The following SLIT3 variants were observed in gnomAD, a reference collection of about 807,000 sequenced individuals.
SLIT3 encodes the protein slit guidance ligand 3.
SLIT3 carries 68 observed loss-of-function variants against 184.0 expected under a neutral mutation model. That is an observed-to-expected ratio of 0.37 (90% CI 0.30 to 0.45). The LOEUF is 0.45. Among genes scored for constraint, SLIT3 ranks in the 20% least tolerant of loss-of-function variants. The pLI, the probability that SLIT3 is intolerant of heterozygous loss-of-function variation, is 1.00. For synonymous variants in SLIT3, 831 were observed against 828.6 expected (o/e 1.00, Z -0.05); for missense variants, 1,707 against 2,026.0 (o/e 0.84, Z 3.02).
At chr5:168,927,571 A>T (rs1208421484) in intron 4 of SLIT3, among the ~76,000 whole-genome samples, 3 of 152,224 alleles carry the variant, frequency 2.0e-5, no homozygotes, top group African/African-American at 7.2e-5. Context: ...CTGGTGTGGC[A>T]TTCAACACCG....
chr5:168,997,785 C>T, intron 4 of SLIT3, among the ~76,000 whole-genome samples: 1 of 152,194 alleles, frequency 6.6e-6, no homozygotes, highest in East Asian at 1.9e-4. Context: ...CAGCCTATGA[C>T]ATGGGGATTC....
At chr5:169,029,298 G>C (rs896221205) in intron 4 of SLIT3, among the ~76,000 whole-genome samples, 3 of 152,122 alleles carry the variant, frequency 2.0e-5, no homozygotes, top group Admixed American at 2.0e-4. Context: ...CTTTTTGTTA[G>C]CCAGATTCCT....
At chr5:168,767,540 G>A (rs994086442) in intron 14 of SLIT3, among the ~76,000 whole-genome samples, 2 of 152,190 alleles carry the variant, frequency 1.3e-5, no homozygotes, top group African/African-American at 2.4e-5. Context: ...GCAGGTCAAG[G>A]AAACAGACTG....
At chr5:169,009,375 T>C (rs919697484) in intron 4 of SLIT3, among the ~76,000 whole-genome samples, 2 of 152,166 alleles carry the variant, frequency 1.3e-5, no homozygotes, top group Non-Finnish European at 2.9e-5. Context: ...TAGTGAGAAA[T>C]GATGCCAAAT....
In SLIT3 at chr5:168,914,500, C is replaced by T. The variant is rs140197839; in HGVS notation, c.414-31164G>A. On this transcript the variant is annotated intron_variant, in intron 4 of 35. Coordinates refer to ENST00000519560, the MANE Select transcript of SLIT3 (RefSeq NM_003062.4). The stretch of plus-strand genomic sequence containing the variant: ...GGCACTTTCCACTAGCTGCTGCTGC[C>T]GTTACCTGGACTTTTCTGGGAACAT... Among the ~76,000 whole-genome samples, 117 of 152,302 alleles carry T rather than the reference C, an allele frequency of 7.7e-4. No homozygotes were observed. In the Middle Eastern group the frequency reaches 0.014, roughly 18 times the overall value.
At chr5:168,986,613 G>A (rs1755141167) in intron 4 of SLIT3, among the ~76,000 whole-genome samples, 1 of 152,136 alleles carries the variant, frequency 6.6e-6, no homozygotes, top group Non-Finnish European at 1.5e-5. Context: ...GGCATGCTGT[G>A]AGCATGGCCC....
intron 4 of SLIT3, among the ~76,000 whole-genome samples, chr5:168,963,435 G>A (rs916270459): frequency 6.6e-6 from 1 of 152,230 alleles, no homozygotes; most frequent in Non-Finnish European, 1.5e-5. Flanking sequence ...GCCTCCCAAA[G>A]TGCTGGGATT....
At chr5:168,696,201 G>C (rs1001082714) in intron 28 of SLIT3, 91 bp downstream of exon 28, 3 of 1,449,632 alleles carry the variant, frequency 2.1e-6, no homozygotes, top group South Asian at 1.2e-5. Flanking sequence ...TCCTCAGGGA[G>C]AGAGGAAGAG....
At chr5:168,674,951 T>C (rs956676516) in intron 32 of SLIT3, among the ~76,000 whole-genome samples, 4 of 152,186 alleles carry the variant, frequency 2.6e-5, no homozygotes, top group African/African-American at 9.6e-5. Flanking sequence ...AGATATCCTA[T>C]TTCACAGATG....
intron 4 of SLIT3, among the ~76,000 whole-genome samples, chr5:168,899,805 A>G (rs199538635): frequency 1.3e-5 from 2 of 151,670 alleles, no homozygotes; most frequent in African/African-American, 2.4e-5. Context: ...CATTGCCCCT[A>G]AGATGACAGG....
intron 4 of SLIT3, among the ~76,000 whole-genome samples, chr5:169,092,406 G>A (rs984294315): frequency 6.6e-6 from 1 of 152,064 alleles, no homozygotes; most frequent in Non-Finnish European, 1.5e-5. Flanking sequence ...ATTCTATTCT[G>A]TTCTGTTCTA....
intron 4 of SLIT3, among the ~76,000 whole-genome samples, chr5:168,936,120 C>A (rs1052695376): frequency 1.3e-5 from 2 of 152,180 alleles, no homozygotes; most frequent in African/African-American, 2.4e-5. Context: ...AGATTCTAAC[C>A]AAAGCTGCCT....
intron 9 of SLIT3, among the ~76,000 whole-genome samples, chr5:168,799,756 C>T (rs1482207404): frequency 1.6e-4 from 24 of 152,162 alleles, no homozygotes; most frequent in Admixed American, 1.6e-3. Flanking sequence ...ATGTCAGACA[C>T]TGTCTTCCTT....
At chr5:168,934,394 G>C (rs1227393245) in intron 4 of SLIT3, among the ~76,000 whole-genome samples, 1 of 152,160 alleles carries the variant, frequency 6.6e-6, no homozygotes, top group Non-Finnish European at 1.5e-5. Context: ...TCTCTGCAGG[G>C]GGTGGAACTA....
At chr5:168,950,984 G>C (rs1387201728) in intron 4 of SLIT3, among the ~76,000 whole-genome samples, 3 of 152,242 alleles carry the variant, frequency 2.0e-5, no homozygotes, top group African/African-American at 7.2e-5. Flanking sequence ...ACTTTGGGAG[G>C]CCAAGGCTGG....
chr5:169,038,534 G>A (rs1757337261), intron 4 of SLIT3, among the ~76,000 whole-genome samples: 1 of 152,126 alleles, frequency 6.6e-6, no homozygotes, highest in South Asian at 2.1e-4. Context: ...GCACCATGAC[G>A]CTCTCTATGG....
chr5:169,060,577 G>A (rs927691748), intron 4 of SLIT3, among the ~76,000 whole-genome samples: 5 of 152,200 alleles, frequency 3.3e-5, no homozygotes, highest in Admixed American at 3.3e-4. Flanking sequence ...CACTTCCCTG[G>A]AGATGAGCTG....
chr5:168,976,112 A>G (rs1431894217), intron 4 of SLIT3, among the ~76,000 whole-genome samples: 1 of 152,148 alleles, frequency 6.6e-6, no homozygotes, highest in African/African-American at 2.4e-5. Flanking sequence ...GCTTTCATTC[A>G]TGATCTCACT....
chr5:168,915,664 A>G (rs570870530), intron 4 of SLIT3, among the ~76,000 whole-genome samples: 1 of 151,854 alleles, frequency 6.6e-6, no homozygotes, highest in Non-Finnish European at 1.5e-5. Context: ...TTTTTTGAAT[A>G]CTGTTTTGGA....
Sources: gnomAD v4.1 joint callset for allele counts (sites outside exome capture counted in the v4.1 genomes callset) on GRCh38, gnomAD v4.1.1 for gene constraint, MANE v1.5 for transcripts, NCBI Gene and HGNC (gene_info 2026-07-23, HGNC 2026-07-21) for gene names.